The following ANKS1B variants were observed in gnomAD, a reference collection of about 807,000 sequenced individuals.
ANKS1B encodes the protein ankyrin repeat and sterile alpha motif domain containing 1B.
ANKS1B carries 36 observed loss-of-function variants against 148.3 expected under a neutral mutation model. The ratio of observed to expected loss-of-function variants is 0.24; its 90% CI spans 0.19 to 0.32. The LOEUF (loss-of-function observed/expected upper bound fraction) is 0.32. Ranked by LOEUF, ANKS1B falls within the 10% of genes least tolerant of loss-of-function variation. ANKS1B has a pLI of 1.00. For missense variants in ANKS1B, 1,157 were observed against 1,542.6 expected (o/e 0.75, Z 4.19); for synonymous variants, 542 against 560.8 (o/e 0.97, Z 0.47).
At chr12:99,264,154 A>G (rs140437449) in intron 12 of ANKS1B, among the ~76,000 whole-genome samples, 1,562 of 152,270 alleles carry the variant, frequency 0.01, 35 homozygotes, top group African/African-American at 0.036. Context: ...TATTTATTTC[A>G]GAAATTTTGC....
At chr12:99,969,526 T>A (rs544495216) in intron 1 of ANKS1B, among the ~76,000 whole-genome samples, 40 of 152,292 alleles carry the variant, frequency 2.6e-4, no homozygotes, top group Non-Finnish European at 4.3e-4. Context: ...GGCATATTTT[T>A]AAAATGTCTT....
At chr12:98,968,179 G>A (rs1523098) in intron 17 of ANKS1B, among the ~76,000 whole-genome samples, 72,093 of 151,816 alleles carry the variant, frequency 0.47, 18,353 homozygotes, top group African/African-American at 0.67. Flanking sequence ...TCTTTCATAA[G>A]AAAAACTCCC....
chr12:99,166,208 C>A (rs2077172017), intron 14 of ANKS1B, among the ~76,000 whole-genome samples: 1 of 151,100 alleles, frequency 6.6e-6, no homozygotes, highest in South Asian at 2.1e-4. Flanking sequence ...AGTTTAGAAA[C>A]AAAGCAAGGA....
intron 17 of ANKS1B, among the ~76,000 whole-genome samples, chr12:98,957,707 A>G (rs1349046110): frequency 6.6e-6 from 1 of 152,124 alleles, no homozygotes; most frequent in Non-Finnish European, 1.5e-5. Context: ...GGTGCTAGGA[A>G]ACTTGTCTTA....
At chr12:99,228,364 G>A (rs1453343345) in intron 14 of ANKS1B, among the ~76,000 whole-genome samples, 4 of 152,022 alleles carry the variant, frequency 2.6e-5, no homozygotes, top group Admixed American at 1.3e-4. Context: ...TCAGAGAACT[G>A]TATATGGCAT....
intron 8 of ANKS1B, among the ~76,000 whole-genome samples, chr12:99,695,926 T>C (rs978659336): frequency 6.6e-6 from 1 of 152,062 alleles, no homozygotes; most frequent in African/African-American, 2.4e-5. Flanking sequence ...CAATAGACAC[T>C]GGGGACTACT....
chr12:99,686,020 G>A (rs1410369843), intron 8 of ANKS1B, among the ~76,000 whole-genome samples: 1 of 152,008 alleles, frequency 6.6e-6, no homozygotes, highest in African/African-American at 2.4e-5. Context: ...TATGCATTGG[G>A]TACAGTGTAC....
At chr12:99,237,026 T>C (rs1287725754) in intron 14 of ANKS1B, among the ~76,000 whole-genome samples, 1 of 152,094 alleles carries the variant, frequency 6.6e-6, no homozygotes, top group Non-Finnish European at 1.5e-5. Context: ...GATGAAATAA[T>C]CTGGACAACA....
chr12:99,237,356 C>T (rs898475679), intron 14 of ANKS1B, among the ~76,000 whole-genome samples: 17 of 152,034 alleles, frequency 1.1e-4, no homozygotes, highest in African/African-American at 3.6e-4. Context: ...TTGTGTGTGT[C>T]TGGGGGCTCC....
At chr12:99,104,951 C>T (rs2058809541) in intron 15 of ANKS1B, 2 of 152,180 alleles carry the variant, frequency 1.3e-5, no homozygotes, top group African/African-American at 2.4e-5. Context: ...AGTATTTTAT[C>T]CCCAGGTTGA....
chr12:98,810,616 G>A (rs1000644893), intron 19 of ANKS1B, among the ~76,000 whole-genome samples: 14 of 152,224 alleles, frequency 9.2e-5, no homozygotes, highest in Non-Finnish European at 1.8e-4. Flanking sequence ...GTTAACACAA[G>A]TATATCTAAA....
rs184743707 is a variant in ANKS1B at position 98,814,734 on chromosome 12, T to C, written c.3067-6816A>G. ...CTGTCACATATATTGCAAAGCCTCA[T>C]TTAGTTTTTCTGAACCTGAATTACT... On this transcript the variant is annotated intron_variant, in intron 19 of 26. Transcript: ENST00000683438. Among the ~76,000 whole-genome samples the C allele has an allele frequency of 1.2e-3, 188 of 152,334 alleles. 1 individual carries two copies. The highest frequency in any genetic ancestry group is 2.3e-3 in the Non-Finnish European group (158 of 68,028).
chr12:99,162,975 T>C (rs1258273722), intron 14 of ANKS1B, among the ~76,000 whole-genome samples: 6 of 152,046 alleles, frequency 3.9e-5, no homozygotes, highest in Admixed American at 6.6e-5. Context: ...GAAGAATCAC[T>C]TGAACCCAGG....
At chr12:99,260,973 A>T (rs567529815) in intron 12 of ANKS1B, among the ~76,000 whole-genome samples, 18 of 152,328 alleles carry the variant, frequency 1.2e-4, no homozygotes, top group Middle Eastern at 3.4e-3. Context: ...TTGGGGCCTC[A>T]TGTAATTTTC....
chr12:99,794,711 A>T (rs1019402456), intron 4 of ANKS1B, among the ~76,000 whole-genome samples: 3 of 151,892 alleles, frequency 2.0e-5, no homozygotes, highest in African/African-American at 7.2e-5. Flanking sequence ...TAGTGGGGGC[A>T]CAGGGGTTAG....
chr12:99,209,294 A>G (rs1156383561), intron 14 of ANKS1B, among the ~76,000 whole-genome samples: 1 of 152,226 alleles, frequency 6.6e-6, no homozygotes, highest in Non-Finnish European at 1.5e-5. Context: ...GATTAAACTT[A>G]TTTTGCCAAC....
At chr12:99,344,685 G>T (rs2090416894) in intron 12 of ANKS1B, among the ~76,000 whole-genome samples, 1 of 151,934 alleles carries the variant, frequency 6.6e-6, no homozygotes, top group South Asian at 2.1e-4. Context: ...CCTTAGAGGT[G>T]ATTTTCTATG....
chr12:98,771,549 C>T (rs2098575103), intron 25 of ANKS1B, among the ~76,000 whole-genome samples: 1 of 152,138 alleles, frequency 6.6e-6, no homozygotes, highest in Non-Finnish European at 1.5e-5. Flanking sequence ...TCACAGCTTA[C>T]TGCAGCCTCG....
At chr12:99,613,902 CA>C (rs2097923440) in intron 9 of ANKS1B, among the ~76,000 whole-genome samples, 1 of 151,878 alleles carries the variant, frequency 6.6e-6, no homozygotes, top group Non-Finnish European at 1.5e-5. Context: ...AAAGTCCTGC[CA>C]ATGCCTGAAA....
Sources: allele counts gnomAD v4.1 joint callset (sites outside exome capture counted in the v4.1 genomes callset), GRCh38; gene constraint gnomAD v4.1.1; transcripts MANE v1.5; gene names NCBI Gene and HGNC (gene_info 2026-07-23, HGNC 2026-07-21).